The following KCNB2 variants were observed in gnomAD, a reference collection of about 807,000 sequenced individuals.
The protein encoded by KCNB2 is potassium voltage-gated channel subfamily B member 2, also known as delayed rectifier potassium channel protein.
KCNB2 carries 15 observed loss-of-function variants against 61.5 expected under a neutral mutation model. That is an observed-to-expected ratio of 0.24 (90% CI 0.16 to 0.38). The LOEUF is 0.38. Ranked by LOEUF, KCNB2 falls within the 10% of genes least tolerant of loss-of-function variation. The pLI, the probability that KCNB2 is intolerant of heterozygous loss-of-function variation, is 1.00. For synonymous variants in KCNB2, 457 were observed against 446.0 expected, an observed-to-expected ratio of 1.02 and a Z score of -0.31; for missense variants, 828 against 1,125.2, an observed-to-expected ratio of 0.74 and a Z score of 3.78.
At chr8:72,665,848 C>G (rs1806461797) in intron 2 of KCNB2, among the ~76,000 whole-genome samples, 1 of 152,256 alleles carries the variant, frequency 6.6e-6, no homozygotes, top group Non-Finnish European at 1.5e-5. Context: ...TGCCTCCCAT[C>G]AAGCTAATCA....
At chr8:72,852,626 A>C (rs192765232) in intron 2 of KCNB2, among the ~76,000 whole-genome samples, 1 of 152,214 alleles carries the variant, frequency 6.6e-6, no homozygotes. Flanking sequence ...GTTCAAATGT[A>C]ATCATTTTTT....
intron 2 of KCNB2, 129 bp downstream of exon 2, chr8:72,568,442 A>G (rs1181252292): frequency 1.3e-6 from 1 of 753,104 alleles, no homozygotes; most frequent in South Asian, 2.1e-5. Context: ...CAGTGAAAAA[A>G]TCCTTTCCAA....
intron 2 of KCNB2, among the ~76,000 whole-genome samples, chr8:72,743,568 A>T (rs902489180): frequency 1.3e-5 from 2 of 152,232 alleles, no homozygotes; most frequent in African/African-American, 4.8e-5. Context: ...ACAAATTCCA[A>T]TCCAAGAATA....
At chr8:72,709,872 C>T (rs761229716) in intron 2 of KCNB2, among the ~76,000 whole-genome samples, 5 of 152,122 alleles carry the variant, frequency 3.3e-5, no homozygotes, top group Non-Finnish European at 5.9e-5. Context: ...TTACTATGTA[C>T]CCGAATGTAC....
chr8:72,829,149 T>C (rs1417177692), intron 2 of KCNB2, among the ~76,000 whole-genome samples: 5 of 152,194 alleles, frequency 3.3e-5, no homozygotes, highest in Admixed American at 1.3e-4. Context: ...GAGTCAGTAA[T>C]TTATTTTAGA....
At chr8:72,799,668 A>G (rs551417502) in intron 2 of KCNB2, among the ~76,000 whole-genome samples, 1 of 152,268 alleles carries the variant, frequency 6.6e-6, no homozygotes, top group East Asian at 1.9e-4. Context: ...AAAGATAGGA[A>G]AAGAAGGACA....
chr8:72,717,293 A>G (rs1484844160), intron 2 of KCNB2, among the ~76,000 whole-genome samples: 1 of 152,216 alleles, frequency 6.6e-6, no homozygotes, highest in Non-Finnish European at 1.5e-5. Flanking sequence ...GACTTTCTTC[A>G]CAGAATTGGA....
chr8:72,925,954 A>G (rs769436481), intron 2 of KCNB2, among the ~76,000 whole-genome samples: 5 of 152,192 alleles, frequency 3.3e-5, no homozygotes, highest in Non-Finnish European at 1.5e-5. Context: ...AGGGACATGC[A>G]TGGAGCTGGG....
rs139592821 is a variant in KCNB2 at position 72,919,251 on chromosome 8, T to G, written c.580-16684T>G. On this transcript the variant is annotated intron_variant, in intron 2 of 2. Transcript: ENST00000523207. ...ATACGGAGGAACAGCTCCACCTGGT[T>G]CGTGGCCGAAGTGGAGTTCCCATAG... is the stretch of plus-strand genomic sequence containing the variant. 9.7e-4 allele frequency among the ~76,000 whole-genome samples: 148 copies of G among 152,308 alleles called. 1 individual carries two copies. Among genetic ancestry groups the G allele is most frequent in the African/African-American group, 3.3e-3 (137 of 41,578 alleles).
At chr8:72,808,951 A>G (rs1348328246) in intron 2 of KCNB2, among the ~76,000 whole-genome samples, 1 of 152,140 alleles carries the variant, frequency 6.6e-6, no homozygotes, top group African/African-American at 2.4e-5. Flanking sequence ...TTTTGTATCT[A>G]TTTAGTTCAT....
In KCNB2 at chr8:72,568,029, A is replaced by C; in HGVS notation, c.295A>C (p.Ile99Leu). The C allele has an allele frequency of 6.2e-7, 1 of 1,614,122 alleles. No individual in the cohort carries two copies. Among genetic ancestry groups the C allele is most frequent in the Non-Finnish European group, 8.5e-7 (1 of 1,180,020 alleles). Residue 99 changes from isoleucine to leucine, a missense_variant, in exon 2 of 3, where the codon ATT (isoleucine) becomes CTT (leucine). Ile to Leu is a conservative substitution (Grantham distance 5, BLOSUM62 2). Transcript: ENST00000523207. ...FDRHPGAFTS[I>L]LNFYRTGKLH... ...TCGGCATCCAGGAGCCTTCACTTCC[A>C]TTTTAAATTTCTACCGGACCGGGAA...
At chr8:72,933,666 G>C (rs56174619) in intron 2 of KCNB2, among the ~76,000 whole-genome samples, 7,862 of 152,260 alleles carry the variant, frequency 0.052, 408 homozygotes, top group African/African-American at 0.12. Context: ...TTTCCTGGCA[G>C]AATATTGTAC....
Position 72,936,172 on chromosome 8 carries a change from G to C in KCNB2, c.817G>C (p.Ala273Pro). ...CCCACTGAATGTCATTGATTTGCTG[G>C]CCATCTTGCCGTACTATGTCACCAT... ...KGPLNVIDLL[A>P]ILPYYVTIFL... The change falls in exon 3 of 3, where the codon GCC (alanine) becomes CCC (proline). Residue 273 changes from alanine (A) to proline (P), a missense_variant. Physicochemically the swap from Ala to Pro is conservative, Grantham distance 27. Coordinates refer to ENST00000523207, the MANE Select transcript of KCNB2 (RefSeq NM_004770.3). The surrounding 1 kb of genome is among the most constrained non-coding windows in gnomAD (Gnocchi z 5.6). 1 of 1,614,180 alleles carries C rather than the reference G, an allele frequency of 6.2e-7. No homozygotes were observed. The highest frequency in any genetic ancestry group is 8.5e-7 in the Non-Finnish European group (1 of 1,180,034).
chr8:72,617,829 C>G (rs932685010), intron 2 of KCNB2, among the ~76,000 whole-genome samples: 1 of 152,126 alleles, frequency 6.6e-6, no homozygotes, highest in African/African-American at 2.4e-5. Flanking sequence ...TAATAAACAA[C>G]TAATTAAAAA....
At chr8:72,839,973 C>A (rs1321732182) in intron 2 of KCNB2, among the ~76,000 whole-genome samples, 2 of 151,636 alleles carry the variant, frequency 1.3e-5, no homozygotes, top group African/African-American at 4.9e-5. Flanking sequence ...AGGTTTGTTA[C>A]ATAGTTATAC....
At chr8:72,839,333 C>G (rs970678034) in intron 2 of KCNB2, among the ~76,000 whole-genome samples, 4 of 152,080 alleles carry the variant, frequency 2.6e-5, no homozygotes, top group Non-Finnish European at 5.9e-5. Context: ...TTTAGAAAAT[C>G]TCAGATTCAA....
At chr8:72,643,179 C>T (rs557046114) in intron 2 of KCNB2, among the ~76,000 whole-genome samples, 3 of 152,060 alleles carry the variant, frequency 2.0e-5, no homozygotes, top group African/African-American at 7.2e-5. Flanking sequence ...CAACATCTTG[C>T]ACCTTCATTT....
chr8:72,699,919 C>T (rs1807086027), intron 2 of KCNB2, among the ~76,000 whole-genome samples: 1 of 152,054 alleles, frequency 6.6e-6, no homozygotes, highest in Admixed American at 6.6e-5. Flanking sequence ...GCACTATTTA[C>T]AATAGCACAG....
At chr8:72,807,342 G>C (rs1809241561) in intron 2 of KCNB2, among the ~76,000 whole-genome samples, 1 of 152,178 alleles carries the variant, frequency 6.6e-6, no homozygotes, top group South Asian at 2.1e-4. Flanking sequence ...TGGGATACAA[G>C]GTTCTTGTGA....
Sources: gnomAD v4.1 joint callset for allele counts (sites outside exome capture counted in the v4.1 genomes callset) on GRCh38, gnomAD v4.1.1 for gene constraint, Gnocchi (gnomAD v3.1) non-coding constraint, MANE v1.5 for transcripts, NCBI Gene and HGNC (gene_info 2026-07-23, HGNC 2026-07-21) for gene names.